AP3B2: variants seen among roughly 807,000 people sequenced by gnomAD.
AP3B2 encodes AP-3 complex subunit beta-2.
Under a neutral mutation model 126.9 loss-of-function variants are expected in AP3B2, and 50 were observed. That is an observed-to-expected ratio of 0.39 (90% confidence interval 0.31 to 0.50). The LOEUF (loss-of-function observed/expected upper bound fraction) is 0.50, where lower values mean the gene tolerates loss of function less well. Ranked by LOEUF, AP3B2 falls within the 20% of genes least tolerant of loss-of-function variation. AP3B2 has a pLI of 0.79. For synonymous variants in AP3B2, 541 were observed against 565.0 expected (o/e 0.96, Z 0.60); for missense variants, 1,177 against 1,426.4 (o/e 0.83, Z 2.82).
At chr15:82,673,261 C>G (rs1221331495) in intron 14 of AP3B2, among the ~76,000 whole-genome samples, 1 of 152,200 alleles carries the variant, frequency 6.6e-6, no homozygotes. Context: ...GTGGCCCAGG[C>G]TGGAGTGTGG....
chr15:82,676,209 A>G (rs543282088), intron 14 of AP3B2, among the ~76,000 whole-genome samples: 68 of 152,312 alleles, frequency 4.5e-4, no homozygotes, highest in African/African-American at 1.5e-3. Flanking sequence ...GGTGGCAGAC[A>G]GGACTCTTGT....
In AP3B2 at chr15:82,664,457, C is replaced by T; in HGVS notation, c.2171G>A (p.Ser724Asn). 2.5e-6 allele frequency: 4 copies of T among 1,613,922 alleles called. No individual in the cohort carries two copies. The highest frequency in any genetic ancestry group is 2.2e-5 in the East Asian group (1 of 44,888). ...CTCCCCAGAGCCGCTCTCACTGCTG[C>T]TCTTACTGTCCGATTCACTCTCAGA... The part of the protein sequence containing the change: ...PESESESDSK[S>N]SSESGSGESS... The change falls in exon 19 of 27, where the codon AGC becomes AAC. Residue 724 changes from serine (S) to asparagine (N), a missense_variant. Ser to Asn is a conservative substitution (Grantham distance 46). Coordinates refer to ENST00000535359, the MANE Select transcript of AP3B2 (RefSeq NM_001278512.2). The surrounding 1 kb of genome is among the most constrained non-coding windows in gnomAD (Gnocchi z 4.5).
rs745912668 is a variant in AP3B2 at position 82,709,732 on chromosome 15, G to A, written c.-26C>T. On this transcript the variant is annotated 5_prime_UTR_variant, in exon 1 of 27. Coordinates refer to ENST00000535359, the MANE Select transcript of AP3B2 (RefSeq NM_001278512.2). ...GGGGCGGCCAGGGAGACTTCGCCGA[G>A]GAGGAGGTTGCGGGGCCGGAGGCCG... 1 of 1,450,622 alleles carries A rather than the reference G, an allele frequency of 6.9e-7. No individual in the cohort carries two copies. Among genetic ancestry groups the A allele is most frequent in the South Asian group, 1.3e-5 (1 of 76,758 alleles). 89.9% of individuals were successfully genotyped at this position (1,450,622 alleles called of 1,614,324 possible).
intron 1 of AP3B2, chr15:82,698,121 C>G (rs1268380283): frequency 6.6e-6 from 1 of 152,516 alleles, no homozygotes; most frequent in Non-Finnish European, 1.5e-5. Flanking sequence ...CCCATGTCCC[C>G]CGACATACCT....
chr15:82,676,043 CCCCTT>C (rs2048236759), intron 14 of AP3B2, among the ~76,000 whole-genome samples: 1 of 152,056 alleles, frequency 6.6e-6, no homozygotes, highest in Non-Finnish European at 1.5e-5. Context: ...AGAGACTCAC[CCCCTT>C]ATCTTTGGCA....
In AP3B2 at chr15:82,662,781, T is replaced by C; in HGVS notation, c.2746A>G (p.Asn916Asp). Residue 916 changes from asparagine (N) to aspartate (D), a missense_variant, in exon 23 of 27, where the codon AAC (asparagine) becomes GAC (aspartate). Around this residue, in one of 5 missense-constraint regions of AP3B2, gnomAD observed 587 missense variants for 571.3 expected, o/e 1.03. Transcript: ENST00000535359. ...HMVSVHIHFS[N>D]SSDTPIKGLH... The stretch of plus-strand genomic sequence containing the variant: ...CCCTTGATGGGGGTATCAGAGCTGT[T>C]GGAGAAGTGGATGTGCACGGACACC... 1.2e-6 allele frequency: 2 copies of C among 1,613,794 alleles called. No homozygotes were observed. The highest frequency in any genetic ancestry group is 1.7e-6 in the Non-Finnish European group (2 of 1,179,810).
chr15:82,680,302 T>G lies in AP3B2; in HGVS notation c.1056-73A>C, dbSNP rs1365305943. ...AGGGTCAGCGGATGAGGGGAAAAGG[T>G]GGGGCAAGTCGTTGCGGGGAGAGGA... On this transcript the variant is annotated intron_variant, in intron 8 of 26. Coordinates refer to ENST00000535359, the MANE Select transcript of AP3B2 (RefSeq NM_001278512.2). This position sits in a 1 kb window ranked among gnomAD's most constrained non-coding sequence, Gnocchi z 6.1. The G allele has an allele frequency of 1.9e-6, 3 of 1,601,864 alleles. No individual in the cohort carries two copies. Among genetic ancestry groups the G allele is most frequent in the Non-Finnish European group, 2.6e-6 (3 of 1,173,286 alleles).
Position 82,681,618 on chromosome 15 carries a change from C to T in AP3B2, c.361-38G>A, listed in dbSNP as rs772300967. ...GTGGAGGCAGAGCTATGAAAGGGCA[C>T]CAGGTGCCCTGATGGGGGGAGGCCA... On this transcript the variant is annotated intron_variant, in intron 4 of 26. Coordinates refer to ENST00000535359, the MANE Select transcript of AP3B2 (RefSeq NM_001278512.2). This position sits in a 1 kb window ranked among gnomAD's most constrained non-coding sequence, Gnocchi z 4.0. The T allele has an allele frequency of 2.4e-5, 38 of 1,600,138 alleles. No individual in the cohort carries two copies. The highest frequency in any genetic ancestry group is 3.1e-5 in the Non-Finnish European group (37 of 1,174,946).
rs2048276104 is a variant in AP3B2, at chr15:82,678,177, G to T, written c.1183-10C>A. The T allele has an allele frequency of 6.2e-7, 1 of 1,613,708 alleles. No individual in the cohort carries two copies. The highest frequency in any genetic ancestry group is 8.5e-7 in the Non-Finnish European group (1 of 1,179,802). On this transcript the variant is annotated splice_polypyrimidine_tract_variant and intron_variant, in intron 10 of 26. Coordinates refer to ENST00000535359, the MANE Select transcript of AP3B2 (RefSeq NM_001278512.2). ...TGGTCAGCACTTCCAGCTGCAGGGA[G>T]GGTTGGAGAGGCAGAAAATGGGTGG... is the stretch of plus-strand genomic sequence containing the variant.
intron 1 of AP3B2, among the ~76,000 whole-genome samples, chr15:82,696,385 C>T (rs1385018768): frequency 6.6e-6 from 1 of 152,172 alleles, no homozygotes. Flanking sequence ...CGAGATTAGC[C>T]TGGCCAACAT....
chr15:82,707,899 C>T (rs2048821724), intron 1 of AP3B2, among the ~76,000 whole-genome samples: 1 of 152,178 alleles, frequency 6.6e-6, no homozygotes, highest in African/African-American at 2.4e-5. Flanking sequence ...CAATCCCGCT[C>T]GAAGCAGCCC....
chr15:82,679,976 G>C (rs1047021517), intron 9 of AP3B2, among the ~76,000 whole-genome samples, 176 bp from the exon 10 acceptor site: 1 of 151,906 alleles, frequency 6.6e-6, no homozygotes, highest in Non-Finnish European at 1.5e-5. Flanking sequence ...TTTTCCACTG[G>C]ACATCCCCTC....
intron 1 of AP3B2, among the ~76,000 whole-genome samples, chr15:82,693,117 T>C (rs1258636778): frequency 1.3e-5 from 2 of 151,940 alleles, no homozygotes; most frequent in Non-Finnish European, 2.9e-5. Context: ...AAACAGAAGG[T>C]CAAAGGTCAT....
intron 1 of AP3B2, among the ~76,000 whole-genome samples, chr15:82,695,169 G>A (rs545916189): frequency 4.7e-5 from 7 of 147,372 alleles, no homozygotes; most frequent in East Asian, 4.0e-4. Context: ...AGGCAATCTC[G>A]GCTCACTGCA....
At chr15:82,666,603 A>C (rs758348078) in intron 15 of AP3B2, 144 bp downstream of exon 15, 6 of 846,290 alleles carry the variant, frequency 7.1e-6, no homozygotes, top group Non-Finnish European at 1.1e-5. Context: ...GTGCCACAGG[A>C]GGGACAAAAG....
chr15:82,700,497 C>T (rs2048704002), intron 1 of AP3B2, among the ~76,000 whole-genome samples: 1 of 149,126 alleles, frequency 6.7e-6, no homozygotes, highest in Admixed American at 6.7e-5. Context: ...CTCCTGGGTT[C>T]AAGCAATTCT....
chr15:82,680,627 G>C lies in AP3B2; in HGVS notation c.900C>G (p.Pro300=). The C allele has an allele frequency of 1.9e-6, 3 of 1,596,258 alleles. No individual in the cohort carries two copies. Among genetic ancestry groups the C allele is most frequent in the Non-Finnish European group, 2.5e-6 (3 of 1,177,104 alleles). The part of the protein sequence containing the change: ...APSRKPYVMD[P]DHRLLLRNTK... ...TGTTGCGCAGCAGCAGCCGGTGGTC[G>C]GGGTCCATGACATAGGGCTTTCGGG... The change falls in exon 8 of 27, where the codon CCC becomes CCG. Residue 300 remains proline (P), a synonymous_variant. Transcript: ENST00000535359. This position sits in a 1 kb window ranked among gnomAD's most constrained non-coding sequence, Gnocchi z 6.1.
Position 82,709,675 on chromosome 15 carries a change from T to C in AP3B2, c.32A>G (p.Lys11Arg), listed in dbSNP as rs2048852855. The C allele has an allele frequency of 6.6e-7, 1 of 1,504,226 alleles. No individual in the cohort carries two copies. Among genetic ancestry groups the C allele is most frequent in the Admixed American group, 2.1e-5 (1 of 47,732 alleles). 93.2% of individuals were successfully genotyped at this position (1,504,226 alleles called of 1,614,324 possible). A position where few individuals can be genotyped will look rare whatever the true frequency, so the allele number is the denominator to read the frequency against. The stretch of plus-strand genomic sequence containing the variant: ...CTCCCCGGGGCCAGCGGAGCCGCCC[T>C]TGTCTTCGCTGTAGGCGGGGGCGGC... MSAAPAYSED[K>R]GGSAGPGEPE... The change falls in exon 1 of 27, where the codon AAG (lysine) becomes AGG (arginine). Residue 11 changes from lysine to arginine, a missense_variant. Physicochemically the swap from Lys to Arg is conservative, Grantham distance 26. This residue lies in a region of AP3B2 where 49 missense variants were observed against 39.3 expected (regional missense o/e 1.25). Coordinates refer to ENST00000535359, the MANE Select transcript of AP3B2 (RefSeq NM_001278512.2).
rs185881536 is a variant in AP3B2, at chr15:82,683,628, T to C, written c.361-2048A>G. ...TTGACCTCCTCCCATGAATCATGAATGTTCCTAATGGCATCTATAATGGTA... is the reference window on the plus strand; with the variant it reads ...TTGACCTCCTCCCATGAATCATGAACGTTCCTAATGGCATCTATAATGGTA... On this transcript the variant is annotated intron_variant, in intron 4 of 26. Coordinates refer to ENST00000535359, the MANE Select transcript of AP3B2 (RefSeq NM_001278512.2). Among the ~76,000 whole-genome samples the C allele has an allele frequency of 3.9e-3, 600 of 152,328 alleles. 7 individuals carry two copies. The highest frequency in any genetic ancestry group is 3.5e-3 in the Non-Finnish European group (238 of 68,040).
Sources: gnomAD v4.1 joint callset for allele counts (sites outside exome capture counted in the v4.1 genomes callset) on GRCh38, gnomAD v4.1.1 for gene constraint, gnomAD v4.1.1 regional missense constraint, Gnocchi (gnomAD v3.1) non-coding constraint, MANE v1.5 for transcripts, NCBI Gene and HGNC (gene_info 2026-07-23, HGNC 2026-07-21) for gene names.